Variants in TENM3 observed in about 807,000 individuals in gnomAD.
The protein encoded by TENM3 is teneurin-3.
In TENM3, 63 loss-of-function variants were observed where a neutral mutation model predicts 255.1. That is an observed-to-expected ratio of 0.25 (90% CI 0.20 to 0.30). The LOEUF (loss-of-function observed/expected upper bound fraction) is 0.30. Among genes scored for constraint, TENM3 ranks in the 10% least tolerant of loss-of-function variants. The pLI is 1.00. For synonymous variants in TENM3, 1,306 were observed against 1,322.3 expected, an observed-to-expected ratio of 0.99 and a Z score of 0.27; for missense variants, 2,929 against 3,461.1, an observed-to-expected ratio of 0.85 and a Z score of 3.86.
chr4:181,492,784 GAGAGTTAGATTAGAT>G, the TENM3 span, among the ~76,000 whole-genome samples: 63 of 152,194 alleles, frequency 4.1e-4, no homozygotes, highest in African/African-American at 1.4e-3. Context: ...TGTAATATGA[GAGAGTTAGATTAGAT>G]AAACTTTAGT....
the TENM3 span, among the ~76,000 whole-genome samples, chr4:181,693,789 A>G: frequency 1.3e-5 from 2 of 152,084 alleles, no homozygotes; most frequent in Non-Finnish European, 2.9e-5. Context: ...TTCCTCCTAC[A>G]TGGAGCAGAG....
chr4:182,067,627 C>T, the TENM3 span, among the ~76,000 whole-genome samples: 1 of 152,256 alleles, frequency 6.6e-6, no homozygotes, highest in African/African-American at 2.4e-5. Context: ...TTTAAGAGCT[C>T]TAAGTTACCT....
the TENM3 span, among the ~76,000 whole-genome samples, chr4:181,578,882 G>A: frequency 2.6e-5 from 4 of 152,092 alleles, no homozygotes; most frequent in South Asian, 2.1e-4. Context: ...GTCACATTCC[G>A]AGGTACTAGG....
At chr4:182,341,246 T>A (rs1459831690) in intron 2 of TENM3, among the ~76,000 whole-genome samples, 3 of 152,160 alleles carry the variant, frequency 2.0e-5, no homozygotes, top group African/African-American at 7.2e-5. Flanking sequence ...TTTATTATGT[T>A]TTTAAATTAT....
the TENM3 span, among the ~76,000 whole-genome samples, chr4:181,871,322 T>G: frequency 6.6e-6 from 1 of 152,126 alleles, no homozygotes; most frequent in Non-Finnish European, 1.5e-5. Context: ...ATTGAATCTA[T>G]AGTTCAATTT....
the TENM3 span, among the ~76,000 whole-genome samples, chr4:181,832,033 C>A: frequency 7.1e-6 from 1 of 141,290 alleles, no homozygotes; most frequent in African/African-American, 2.6e-5. Flanking sequence ...ATGTAAAAGA[C>A]CCAGCTCCTG....
rs202036917 is a variant in TENM3, at chr4:182,471,394, C to T, written c.511+124465C>T. On this transcript the variant is annotated intron_variant, in intron 3 of 27. Coordinates refer to ENST00000511685, the MANE Select transcript of TENM3 (RefSeq NM_001080477.4). The stretch of plus-strand genomic sequence containing the variant: ...GATCACTGAGTGTACTTACACAAAC[C>T]AAGATGGTATAGCCTACTGCATACT... Among the ~76,000 whole-genome samples, 248 of 152,196 alleles carry T rather than the reference C, an allele frequency of 1.6e-3. 2 individuals are homozygous for T. The East Asian group carries it at 0.031, about 19-fold the overall frequency.
chr4:181,964,677 G>A, the TENM3 span, among the ~76,000 whole-genome samples: 1 of 152,020 alleles, frequency 6.6e-6, no homozygotes, highest in Admixed American at 6.6e-5. Flanking sequence ...GACATTATTG[G>A]TATACTGCAT....
chr4:182,561,509 T>G (rs1210068985), intron 3 of TENM3, among the ~76,000 whole-genome samples: 1 of 151,920 alleles, frequency 6.6e-6, no homozygotes, highest in African/African-American at 2.4e-5. Flanking sequence ...ATAGTTTTAG[T>G]TTTTCTCTTT....
intron 1 of TENM3, among the ~76,000 whole-genome samples, chr4:182,196,164 G>A (rs748818098): frequency 2.6e-5 from 4 of 152,038 alleles, no homozygotes; most frequent in Middle Eastern, 3.2e-3. Flanking sequence ...GCCATCCCCC[G>A]TGCGGAGTGA....
chr4:181,466,121 T>TA, the TENM3 span, among the ~76,000 whole-genome samples: 84 of 147,996 alleles, frequency 5.7e-4, 1 homozygote, highest in East Asian at 5.9e-4. Flanking sequence ...TTTTTTTTTT[T>TA]GTTTTGTTTT....
chr4:181,804,929 C>T, the TENM3 span, among the ~76,000 whole-genome samples: 1 of 152,100 alleles, frequency 6.6e-6, no homozygotes, highest in Non-Finnish European at 1.5e-5. Context: ...TCTCACCCCT[C>T]CCCAATTCCC....
the TENM3 span, among the ~76,000 whole-genome samples, chr4:181,634,164 T>A: frequency 6.6e-6 from 1 of 152,218 alleles, no homozygotes; most frequent in East Asian, 1.9e-4. Context: ...ATAAACCTTA[T>A]TTACATATTT....
intron 24 of TENM3, among the ~76,000 whole-genome samples, chr4:182,778,516 T>G (rs1258749179): frequency 5.3e-5 from 8 of 151,846 alleles, no homozygotes; most frequent in Non-Finnish European, 1.2e-4. Context: ...CAAAAGAGAG[T>G]CTTGATATCG....
the TENM3 span, among the ~76,000 whole-genome samples, chr4:181,561,114 C>T: frequency 3.9e-5 from 6 of 151,990 alleles, no homozygotes; most frequent in East Asian, 1.9e-4. Flanking sequence ...CACCAACGTC[C>T]GGCTAATTTT....
At chr4:181,526,779 G>A in the TENM3 span, among the ~76,000 whole-genome samples, 4 of 152,156 alleles carry the variant, frequency 2.6e-5, no homozygotes, top group African/African-American at 9.7e-5. Flanking sequence ...ATTAATAGCA[G>A]TTAATTTCTT....
the TENM3 span, among the ~76,000 whole-genome samples, chr4:181,672,024 A>G: frequency 6.6e-6 from 1 of 152,174 alleles, no homozygotes; most frequent in African/African-American, 2.4e-5. Context: ...CAAAATATAT[A>G]CTTTGGATAG....
intron 3 of TENM3, among the ~76,000 whole-genome samples, chr4:182,472,594 G>C (rs1733237279): frequency 6.6e-6 from 1 of 152,152 alleles, no homozygotes; most frequent in Non-Finnish European, 1.5e-5. Flanking sequence ...AAAAGAATTT[G>C]ATGAACTCAA....
intron 3 of TENM3, among the ~76,000 whole-genome samples, chr4:182,464,992 G>T (rs780351533): frequency 6.6e-6 from 1 of 151,996 alleles, no homozygotes; most frequent in South Asian, 2.1e-4. Context: ...TGTCTTTAAA[G>T]GTTCTTTGGC....
Sources: gnomAD v4.1 joint callset for allele counts (sites outside exome capture counted in the v4.1 genomes callset) on GRCh38, gnomAD v4.1.1 for gene constraint, MANE v1.5 for transcripts, NCBI Gene and HGNC (gene_info 2026-07-23, HGNC 2026-07-21) for gene names.